Variants in CUL3 observed in about 807,000 individuals in gnomAD.
CUL3 encodes the protein cullin-3.
In CUL3, 19 loss-of-function variants were observed where a neutral mutation model predicts 89.1. The ratio of observed to expected loss-of-function variants is 0.21; its 90% CI spans 0.15 to 0.31. CUL3 has a LOEUF of 0.31. Ranked by LOEUF, CUL3 falls within the 10% of genes least tolerant of loss-of-function variation. The pLI is 1.00. For synonymous variants in CUL3, 351 were observed against 308.4 expected, an observed-to-expected ratio of 1.14 and a Z score of -1.45; for missense variants, 469 against 942.3, an observed-to-expected ratio of 0.50 and a Z score of 6.58.
At position 224,584,993 on chromosome 2, in the gene CUL3, T is replaced by C. The variant is rs757582263; in HGVS notation, c.17A>G (p.Lys6Arg). 8 of 1,509,562 alleles carry C rather than the reference T, an allele frequency of 5.3e-6. No homozygotes were observed. Among genetic ancestry groups the C allele is most frequent in the Non-Finnish European group, 7.2e-6 (8 of 1,117,872 alleles). 93.5% of individuals were successfully genotyped at this position (1,509,562 alleles called of 1,614,324 possible). A position where few individuals can be genotyped will look rare whatever the true frequency, so the allele number is the denominator to read the frequency against. ...GGTGTCCTTCCGGCTGCCCGTGCCTTTGCTCAGATTCGACATGGTGCTCGT... is the reference window on the plus strand; with the variant it reads ...GGTGTCCTTCCGGCTGCCCGTGCCTCTGCTCAGATTCGACATGGTGCTCGT... The part of the protein sequence containing the change: MSNLS[K>R]GTGSRKDTKM... The change falls in exon 1 of 16, where the codon AAA (lysine) becomes AGA (arginine). Residue 6 changes from lysine to arginine, a missense_variant. Around this residue, in one of 4 missense-constraint regions of CUL3, gnomAD observed 32 missense variants for 29.7 expected, o/e 1.08. Transcript: ENST00000264414.
intron 12 of CUL3, among the ~76,000 whole-genome samples, chr2:224,496,607 C>T (rs973017802): frequency 5.9e-5 from 9 of 152,060 alleles, no homozygotes; most frequent in South Asian, 2.1e-4. Flanking sequence ...CAAAACACCA[C>T]TACTGTTATA....
chr2:224,483,126 T>C (rs1194200243), intron 13 of CUL3, among the ~76,000 whole-genome samples: 2 of 152,230 alleles, frequency 1.3e-5, no homozygotes, highest in African/African-American at 4.8e-5. Flanking sequence ...CTACCTACTT[T>C]AGACATTTCA....
intron 3 of CUL3, among the ~76,000 whole-genome samples, chr2:224,522,849 G>A (rs1693320156): frequency 1.4e-5 from 2 of 143,942 alleles, no homozygotes; most frequent in South Asian, 4.6e-4. Context: ...CCTTCTCAGG[G>A]GTCTGAAAAA....
Position 224,502,983 on chromosome 2 carries a change from T to C in CUL3, c.1467A>G (p.Gln489=), listed in dbSNP as rs371616108. 9.3e-6 allele frequency: 15 copies of C among 1,613,324 alleles called. No homozygotes were observed. The African/African-American group carries it at 1.9e-4, about 20-fold the overall frequency. Residue 489 remains glutamine (Q), a synonymous_variant, in exon 10 of 16, where the codon CAA becomes CAG. Transcript: ENST00000264414. ...ATCTTACACCAGTTGCCTGTAGATG[T>C]TGCCTGAATTCATCCATCGTTGTGT... ...ISNTTMDEFR[Q]HLQATGVSLG... is the part of the protein sequence containing the mutation.
chr2:224,480,664 A>C (rs2106148763), intron 14 of CUL3, among the ~76,000 whole-genome samples: 1 of 152,294 alleles, frequency 6.6e-6, no homozygotes, highest in African/African-American at 2.4e-5. Flanking sequence ...TTACTTATTT[A>C]GGGTACAGTA....
chr2:224,557,879 G>GAAAAAAAAAAAAAA, intron 1 of CUL3, 23 bp from the exon 2 acceptor site: 6 of 75,154 alleles, frequency 8.0e-5, no homozygotes, highest in East Asian at 2.4e-4. Context: ...AGAGAGAGAA[G>GAAAAAAAAAAAAAA]AGACAAAAAA....
intron 1 of CUL3, among the ~76,000 whole-genome samples, chr2:224,582,282 G>A (rs566595511): frequency 2.6e-5 from 4 of 152,046 alleles, no homozygotes; most frequent in South Asian, 2.1e-4. Context: ...TTTTCTTTAC[G>A]GAACACTAGG....
intron 7 of CUL3, among the ~76,000 whole-genome samples, chr2:224,506,382 C>T (rs572285696): frequency 2.3e-4 from 35 of 152,216 alleles, no homozygotes; most frequent in Admixed American, 1.4e-3. Context: ...CTCACTGTTT[C>T]TCATTCTCCT....
rs561743770 is a variant in CUL3, at chr2:224,549,868, A to ACACACACACG, written c.264+7781_264+7790dup. Among the ~76,000 whole-genome samples the ACACACACACG allele has an allele frequency of 4.2e-3, 634 of 152,184 alleles. 5 individuals are homozygous for ACACACACACG. Among genetic ancestry groups the ACACACACACG allele is most frequent in the Non-Finnish European group, 6.8e-3 (462 of 67,996 alleles). ...CATATACACATATATGCGTGCACAC[A>ACACACACACG]CACACACACGCACACACACACACGC... On this transcript the variant is annotated intron_variant, in intron 2 of 15. Transcript: ENST00000264414.
At chr2:224,568,372 C>T (rs1695097849) in intron 1 of CUL3, among the ~76,000 whole-genome samples, 1 of 152,248 alleles carries the variant, frequency 6.6e-6, no homozygotes, top group Non-Finnish European at 1.5e-5. Context: ...TCTTCCTCCA[C>T]TAGACTATGA....
intron 3 of CUL3, among the ~76,000 whole-genome samples, chr2:224,524,232 T>C (rs959613950): frequency 5.3e-5 from 8 of 152,128 alleles, no homozygotes. Context: ...TTCAGTCACT[T>C]GCTGTCTTTG....
At chr2:224,583,388 C>A (rs6750647) in intron 1 of CUL3, among the ~76,000 whole-genome samples, 114,664 of 152,118 alleles carry the variant, frequency 0.75, 43,849 homozygotes, top group African/African-American at 0.9. Context: ...CTGTTGTATA[C>A]AACTATTAAC....
intron 2 of CUL3, among the ~76,000 whole-genome samples, chr2:224,549,893 C>T (rs1406985675): frequency 6.6e-6 from 1 of 152,086 alleles, no homozygotes; most frequent in Non-Finnish European, 1.5e-5. Context: ...CACACACACG[C>T]AAAATGGCTG....
Position 224,543,988 on chromosome 2 carries a change from C to CA in CUL3, c.265-8348dup, listed in dbSNP as rs1326396208. 2.0e-3 allele frequency among the ~76,000 whole-genome samples: 289 copies of CA among 141,374 alleles called. 1 individual carries two copies. Among genetic ancestry groups the CA allele is most frequent in the East Asian group, 7.1e-3 (35 of 4,938 alleles). The allele number at this position is 141,374 out of a possible 152,430, so 92.7% of individuals were successfully genotyped here. A position where few individuals can be genotyped will look rare whatever the true frequency, so the allele number is the denominator to read the frequency against. Reference sequence around the variant, plus strand: ...TGACAGAGTGAGACCCCTCCCATTTCAAAAAAAAAAAGAAAAAAGTTTCAG... The same window carrying CA: ...TGACAGAGTGAGACCCCTCCCATTTCAAAAAAAAAAAAGAAAAAAGTTTCAG... On this transcript the variant is annotated intron_variant, in intron 2 of 15. Coordinates refer to ENST00000264414, the MANE Select transcript of CUL3 (RefSeq NM_003590.5).
chr2:224,475,487 G>GCC (rs1691286137), intron 15 of CUL3, among the ~76,000 whole-genome samples: 1 of 152,190 alleles, frequency 6.6e-6, no homozygotes, highest in African/African-American at 2.4e-5. Flanking sequence ...GCATCCATGA[G>GCC]CCAGCTTTGC....
intron 3 of CUL3, among the ~76,000 whole-genome samples, chr2:224,530,080 T>C (rs1344828948): frequency 1.3e-5 from 2 of 151,112 alleles, no homozygotes; most frequent in Admixed American, 1.3e-4. Flanking sequence ...CCAGTAAAAA[T>C]ACAAAAAAAT....
At chr2:224,540,155 T>C (rs13025504) in intron 2 of CUL3, among the ~76,000 whole-genome samples, 27,833 of 151,264 alleles carry the variant, frequency 0.18, 2,901 homozygotes, top group South Asian at 0.27. Context: ...CTCCCAGGTT[T>C]AAGCCATTAT....
intron 1 of CUL3, among the ~76,000 whole-genome samples, chr2:224,581,098 T>TA: frequency 1.3e-5 from 2 of 152,192 alleles, no homozygotes; most frequent in South Asian, 4.1e-4. Context: ...CACACAGACA[T>TA]AAAAAACAGA....
At chr2:224,557,879 G>GAAAAAAAAAAA in intron 1 of CUL3, 23 bp from the exon 2 acceptor site, 16 of 75,144 alleles carry the variant, frequency 2.1e-4, no homozygotes, top group South Asian at 2.8e-4. Context: ...AGAGAGAGAA[G>GAAAAAAAAAAA]AGACAAAAAA....
Sources: gnomAD v4.1 joint callset for allele counts (sites outside exome capture counted in the v4.1 genomes callset) on GRCh38, gnomAD v4.1.1 for gene constraint, gnomAD v4.1.1 regional missense constraint, MANE v1.5 for transcripts, NCBI Gene and HGNC (gene_info 2026-07-23, HGNC 2026-07-21) for gene names.